The following NAB1 variants were observed in gnomAD, a reference collection of about 807,000 sequenced individuals.
NAB1 encodes NGFI-A-binding protein 1.
Under a neutral mutation model 49.9 loss-of-function variants are expected in NAB1, and 25 were observed. The ratio of observed to expected loss-of-function variants is 0.50; its 90% CI spans 0.37 to 0.70. The LOEUF (loss-of-function observed/expected upper bound fraction) is 0.70, where lower values mean the gene tolerates loss of function less well. Ranked by LOEUF, NAB1 falls within the 30% of genes least tolerant of loss-of-function variation. The probability of loss-of-function intolerance (pLI) is 0.00; values close to 1 mark genes in which losing one functional copy is unlikely to be tolerated. For synonymous variants in NAB1, 198 were observed against 215.6 expected, an observed-to-expected ratio of 0.92 and a Z score of 0.71; for missense variants, 489 against 575.9, an observed-to-expected ratio of 0.85 and a Z score of 1.54.
rs535624366 is a variant in NAB1, at chr2:190,681,071, G to A, written c.1006-2667G>A. 4.6e-5 allele frequency among the ~76,000 whole-genome samples: 7 copies of A among 152,246 alleles called. No individual in the cohort carries two copies. The East Asian group carries it at 1.2e-3, about 25-fold the overall frequency. ...TCTGCAAGTCATATAGTTAAAGCCC[G>A]TCCAGCTTATGAAAAACAGAGCTAT... On this transcript the variant is annotated intron_variant, in intron 6 of 9. Coordinates refer to ENST00000337386, the MANE Select transcript of NAB1 (RefSeq NM_005966.4).
At position 190,690,501 on chromosome 2, in the gene NAB1, A is replaced by C; in HGVS notation, c.*168A>C. On this transcript the variant is annotated 3_prime_UTR_variant, in exon 10 of 10. Transcript: ENST00000337386. ...TCTGTGGAAACCAGGAAGATAAAAC[A>C]ACAGCCACAAAAGAGAAAATCAAGA... The C allele has an allele frequency of 3.7e-6, 2 of 541,496 alleles. No individual in the cohort carries two copies. 33.5% of individuals were successfully genotyped at this position (541,496 alleles called of 1,614,324 possible). A position where few individuals can be genotyped will look rare whatever the true frequency, so the allele number is the denominator to read the frequency against.
intron 4 of NAB1, among the ~76,000 whole-genome samples, chr2:190,665,745 G>A (rs1422367529): frequency 6.6e-6 from 1 of 152,126 alleles, no homozygotes; most frequent in Non-Finnish European, 1.5e-5. Context: ...GGTTGATTGG[G>A]GGTTATGAAA....
rs1344927585 is a variant in NAB1 at position 190,667,918 on chromosome 2, A to C, written c.820-2408A>C. Among the ~76,000 whole-genome samples, 1 of 152,122 alleles carries C rather than the reference A, an allele frequency of 6.6e-6. No individual in the cohort carries two copies. The highest frequency in any genetic ancestry group is 1.5e-5 in the Non-Finnish European group (1 of 67,974). On this transcript the variant is annotated intron_variant, in intron 4 of 9. Coordinates refer to ENST00000337386, the MANE Select transcript of NAB1 (RefSeq NM_005966.4). This position sits in a 1 kb window ranked among gnomAD's most constrained non-coding sequence, Gnocchi z 4.4. ...AATGACAAACTTAAAAAAAAATCCCATTACATATGATGAAGAGTTAATGCT... is the reference window on the plus strand; with the variant it reads ...AATGACAAACTTAAAAAAAAATCCCCTTACATATGATGAAGAGTTAATGCT...
rs1220713028 is a variant in NAB1, at chr2:190,686,325, C to A, written c.1258+687C>A. On this transcript the variant is annotated intron_variant, in intron 8 of 9. Coordinates refer to ENST00000337386, the MANE Select transcript of NAB1 (RefSeq NM_005966.4). The surrounding 1 kb of genome is among the most constrained non-coding windows in gnomAD (Gnocchi z 5.5). ...GGAGGGAGATGTACAGGTTATATAT[C>A]CTCTAGTTTCAAATAGTAATAAGTG... 6.6e-6 allele frequency among the ~76,000 whole-genome samples: 1 copy of A among 152,056 alleles called. No homozygotes were observed. Among genetic ancestry groups the A allele is most frequent in the Admixed American group, 6.5e-5 (1 of 15,268 alleles).
Position 190,675,253 on chromosome 2 carries a change from T to G in NAB1, c.1005+2101T>G, listed in dbSNP as rs748782253. The stretch of plus-strand genomic sequence containing the variant: ...TTCTCACCATTGGCCCTAAGTGTGA[T>G]CATGATTCAGGCTGCTCACATTTAA... On this transcript the variant is annotated intron_variant, in intron 6 of 9. Coordinates refer to ENST00000337386, the MANE Select transcript of NAB1 (RefSeq NM_005966.4). This position sits in a 1 kb window ranked among gnomAD's most constrained non-coding sequence, Gnocchi z 5.2. 3.3e-5 allele frequency among the ~76,000 whole-genome samples: 5 copies of G among 152,242 alleles called. No homozygotes were observed. The highest frequency in any genetic ancestry group is 7.3e-5 in the Non-Finnish European group (5 of 68,038).
At position 190,659,455 on chromosome 2, in the gene NAB1, C is replaced by G. The variant is rs1180883600; in HGVS notation, c.279C>G (p.Ser93Arg). 1.2e-6 allele frequency: 2 copies of G among 1,614,068 alleles called. No individual in the cohort carries two copies. Among genetic ancestry groups the G allele is most frequent in the Non-Finnish European group, 1.7e-6 (2 of 1,180,052 alleles). Reference protein sequence around the residue: ...NQPLTSLPVSSIPIYKLPEGS... With the variant: ...NQPLTSLPVSRIPIYKLPEGS... ...CACTGACTTCCCTTCCTGTCAGTAGCATACCCATCTATAAATTACCAGAGG... is the reference window on the plus strand; with the variant it reads ...CACTGACTTCCCTTCCTGTCAGTAGGATACCCATCTATAAATTACCAGAGG... Residue 93 changes from serine (S) to arginine (R), a missense_variant, in exon 4 of 10, where the codon AGC becomes AGG. By Grantham distance (110) the Ser-to-Arg change is moderately radical. This residue lies in a region of NAB1 where 204 missense variants were observed against 220.9 expected (regional missense o/e 0.92). Transcript: ENST00000337386. This position sits in a 1 kb window ranked among gnomAD's most constrained non-coding sequence, Gnocchi z 6.2.
rs1036187978 is a variant in NAB1 at position 190,674,395 on chromosome 2, G to A, written c.1005+1243G>A. ...CTTTAGATGGCTTCAAGTCACAGCC[G>A]AGTTTCCCCTGACTTCCCTGCCTCC... On this transcript the variant is annotated intron_variant, in intron 6 of 9. Coordinates refer to ENST00000337386, the MANE Select transcript of NAB1 (RefSeq NM_005966.4). The surrounding 1 kb of genome is among the most constrained non-coding windows in gnomAD (Gnocchi z 5.7). 2.6e-5 allele frequency among the ~76,000 whole-genome samples: 4 copies of A among 152,146 alleles called. No individual in the cohort carries two copies. The highest frequency in any genetic ancestry group is 9.7e-5 in the African/African-American group (4 of 41,430).
Position 190,688,804 on chromosome 2 carries a change from CCTTTCTTTTCTTTCCTTT to C in NAB1, c.1376-1427_1376-1410del, listed in dbSNP as rs1464395113. ...TTTCCTTTCTTTCCTTCCTTTCTTT[CCTTTCTTTTCTTTCCTTT>C]CTTTCTTTTCTTTTCTTCCTTTCTT... On this transcript the variant is annotated intron_variant, in intron 9 of 9. Coordinates refer to ENST00000337386, the MANE Select transcript of NAB1 (RefSeq NM_005966.4). 6.9e-4 allele frequency among the ~76,000 whole-genome samples: 104 copies of C among 150,620 alleles called. 1 individual carries two copies. The highest frequency in any genetic ancestry group is 2.3e-3 in the African/African-American group (95 of 41,026).
chr2:190,687,625 C>T (rs1453628192), intron 9 of NAB1, among the ~76,000 whole-genome samples: 1 of 152,138 alleles, frequency 6.6e-6, no homozygotes, highest in African/African-American at 2.4e-5. Context: ...TTCCTGGTCC[C>T]AGGCATTTTG....
rs1053456892 is a variant in NAB1, at chr2:190,678,899, A to C, written c.1006-4839A>C. 1.3e-5 allele frequency among the ~76,000 whole-genome samples: 2 copies of C among 152,248 alleles called. No homozygotes were observed. The highest frequency in any genetic ancestry group is 2.4e-5 in the African/African-American group (1 of 41,470). Reference sequence around the variant, plus strand: ...TTGAGAACATCTGCTGTAACAAGTCATCTAGAGACAGCTAAGCAGTGGCTT... The same window carrying C: ...TTGAGAACATCTGCTGTAACAAGTCCTCTAGAGACAGCTAAGCAGTGGCTT... On this transcript the variant is annotated intron_variant, in intron 6 of 9. Transcript: ENST00000337386. This position sits in a 1 kb window ranked among gnomAD's most constrained non-coding sequence, Gnocchi z 4.9.
rs114341024 is a variant in NAB1, at chr2:190,670,561, A to T, written c.953+102A>T. 160 of 1,274,968 alleles carry T rather than the reference A, an allele frequency of 1.3e-4. 1 individual carries two copies. In the African/African-American group the frequency reaches 2.2e-3, roughly 18 times the overall value. 79.0% of individuals were successfully genotyped at this position (1,274,968 alleles called of 1,614,324 possible). The stretch of plus-strand genomic sequence containing the variant: ...ATATAAGCATTTCTGAAAAAGTGGA[A>T]GTATGATTATTGTTCTATGAAACTA... On this transcript the variant is annotated intron_variant, in intron 5 of 9. Coordinates refer to ENST00000337386, the MANE Select transcript of NAB1 (RefSeq NM_005966.4). This position sits in a 1 kb window ranked among gnomAD's most constrained non-coding sequence, Gnocchi z 5.3.
rs1049389629 is a variant in NAB1, at chr2:190,668,744, A to G, written c.820-1582A>G. The stretch of plus-strand genomic sequence containing the variant: ...GTAAGAAAAATTATTCTAAATAAAG[A>G]TGAGATGCCTGGGTAGGGAGAAAGG... On this transcript the variant is annotated intron_variant, in intron 4 of 9. Coordinates refer to ENST00000337386, the MANE Select transcript of NAB1 (RefSeq NM_005966.4). 2.8e-4 allele frequency among the ~76,000 whole-genome samples: 42 copies of G among 152,314 alleles called. 1 individual carries two copies. Among genetic ancestry groups the G allele is most frequent in the African/African-American group, 9.9e-4 (41 of 41,566 alleles).
At chr2:190,690,216 C>T in intron 9 of NAB1, 29 bp from the exon 10 acceptor site, 1 of 1,462,146 alleles carries the variant, frequency 6.8e-7, no homozygotes, top group East Asian at 2.3e-5. Flanking sequence ...ATTAAAATAT[C>T]AACTCACTTT....
rs1406632289 is a variant in NAB1, at chr2:190,684,941, G to C, written c.1096-535G>C. On this transcript the variant is annotated intron_variant, in intron 7 of 9. Transcript: ENST00000337386. The surrounding 1 kb of genome is among the most constrained non-coding windows in gnomAD (Gnocchi z 4.6). ...ATGATGAAGGTAAAGATGCTTATTG[G>C]CACTGATGTTTTTCTGCATAATTTA... 6.6e-6 allele frequency among the ~76,000 whole-genome samples: 1 copy of C among 152,148 alleles called. No homozygotes were observed. The highest frequency in any genetic ancestry group is 2.4e-5 in the African/African-American group (1 of 41,432).
In NAB1 at chr2:190,691,833, T is replaced by A. The variant is rs1422850489; in HGVS notation, c.*1500T>A. On this transcript the variant is annotated 3_prime_UTR_variant, in exon 10 of 10. Coordinates refer to ENST00000337386, the MANE Select transcript of NAB1 (RefSeq NM_005966.4). This position sits in a 1 kb window ranked among gnomAD's most constrained non-coding sequence, Gnocchi z 4.1. ...AATATTAAGTCATAATCTGTTACAC[T>A]AAAATTTGTCAGCCAAATGTTAGAT... 1 of 152,202 alleles carries A rather than the reference T, an allele frequency of 6.6e-6. No homozygotes were observed. Among genetic ancestry groups the A allele is most frequent in the East Asian group, 1.9e-4 (1 of 5,202 alleles). 9.4% of individuals were successfully genotyped at this position (152,202 alleles called of 1,614,324 possible).
rs1695555718 is a variant in NAB1, at chr2:190,685,386, T to C, written c.1096-90T>C. 1 of 1,177,058 alleles carries C rather than the reference T, an allele frequency of 8.5e-7. No individual in the cohort carries two copies. Among genetic ancestry groups the C allele is most frequent in the Non-Finnish European group, 1.2e-6 (1 of 851,740 alleles). The allele number at this position is 1,177,058 out of a possible 1,614,324, so 72.9% of individuals were successfully genotyped here. A position where few individuals can be genotyped will look rare whatever the true frequency, so the allele number is the denominator to read the frequency against. On this transcript the variant is annotated intron_variant, in intron 7 of 9. Coordinates refer to ENST00000337386, the MANE Select transcript of NAB1 (RefSeq NM_005966.4). This position sits in a 1 kb window ranked among gnomAD's most constrained non-coding sequence, Gnocchi z 4.5. ...AACTAATTTTAATGAATACTAAATA[T>C]ATTTGCTGGAGTCTGAAATTGGCAT...
rs1694996917 is a variant in NAB1 at position 190,674,892 on chromosome 2, A to C, written c.1005+1740A>C. ...ATGGGGAGACCCTGTCTCTACCCCCAAAAAAGTACTTATATTTGTAACCTA... is the reference window on the plus strand; with the variant it reads ...ATGGGGAGACCCTGTCTCTACCCCCCAAAAAGTACTTATATTTGTAACCTA... On this transcript the variant is annotated intron_variant, in intron 6 of 9. Transcript: ENST00000337386. This position sits in a 1 kb window ranked among gnomAD's most constrained non-coding sequence, Gnocchi z 5.7. 6.6e-6 allele frequency among the ~76,000 whole-genome samples: 1 copy of C among 152,230 alleles called. No homozygotes were observed. The highest frequency in any genetic ancestry group is 2.1e-4 in the South Asian group (1 of 4,830).
chr2:190,670,331 T>A lies in NAB1; in HGVS notation c.825T>A (p.Thr275=), dbSNP rs1694738963. 1.1e-5 allele frequency: 18 copies of A among 1,608,564 alleles called. No homozygotes were observed. The highest frequency in any genetic ancestry group is 1.5e-5 in the Non-Finnish European group (18 of 1,178,478). The change falls in exon 5 of 10, where the codon ACT becomes ACA. Residue 275 remains threonine (T), a synonymous_variant. Coordinates refer to ENST00000337386, the MANE Select transcript of NAB1 (RefSeq NM_005966.4). The surrounding 1 kb of genome is among the most constrained non-coding windows in gnomAD (Gnocchi z 5.3). ...DGKHLTLHEL[T]VNEAAAQLCV... is the part of the protein sequence containing the mutation. ...ACTCTGTTTTGGATATCCAGCTCAC[T>A]GTTAATGAAGCGGCTGCTCAACTCT...
In NAB1 at chr2:190,667,874, G is replaced by A. The variant is rs924885369; in HGVS notation, c.820-2452G>A. Among the ~76,000 whole-genome samples, 5 of 151,878 alleles carry A rather than the reference G, an allele frequency of 3.3e-5. No homozygotes were observed. The highest frequency in any genetic ancestry group is 5.9e-5 in the Non-Finnish European group (4 of 67,936). ...AGATTTTCTTTGCCTGTCACCCAAG[G>A]CATAGAAACTGTATGGCTAATGACA... On this transcript the variant is annotated intron_variant, in intron 4 of 9. Coordinates refer to ENST00000337386, the MANE Select transcript of NAB1 (RefSeq NM_005966.4). This position sits in a 1 kb window ranked among gnomAD's most constrained non-coding sequence, Gnocchi z 4.4.
Sources: gnomAD v4.1 joint callset for allele counts (sites outside exome capture counted in the v4.1 genomes callset) on GRCh38, gnomAD v4.1.1 for gene constraint, gnomAD v4.1.1 regional missense constraint, Gnocchi (gnomAD v3.1) non-coding constraint, MANE v1.5 for transcripts, NCBI Gene and HGNC (gene_info 2026-07-23, HGNC 2026-07-21) for gene names.